Variants in ACSM1 observed in about 807,000 individuals in gnomAD.
ACSM1 encodes the protein acyl-CoA synthetase medium chain family member 1, also known as acyl-coenzyme A synthetase ACSM1, mitochondrial.
A neutral mutation model predicts 75.8 loss-of-function variants in ACSM1; 79 were observed. That is an observed-to-expected ratio of 1.04 (90% CI 0.87 to 1.26). The LOEUF (loss-of-function observed/expected upper bound fraction) is 1.26, where lower values mean the gene tolerates loss of function less well. Ranked by LOEUF, ACSM1 falls within the 50% of genes most tolerant of loss-of-function variation. The pLI, the probability that ACSM1 is intolerant of heterozygous loss-of-function variation, is 0.00. For missense variants in ACSM1, 676 were observed against 720.1 expected (o/e 0.94, Z 0.70); for synonymous variants, 279 against 265.8 (o/e 1.05, Z -0.48).
chr16:20,669,520 A>G (rs1162715473), intron 6 of ACSM1, among the ~76,000 whole-genome samples: 1 of 151,436 alleles, frequency 6.6e-6, no homozygotes, highest in African/African-American at 2.4e-5. Context: ...AGGGTCCAGG[A>G]TCTGGGAGAC....
At position 20,690,998 on chromosome 16, in the gene ACSM1, T is replaced by A; in HGVS notation, c.191A>T (p.Lys64Met). Reference protein sequence around the residue: ...YVLDYWAQKEKEGKRGPNPAF... With the variant: ...YVLDYWAQKEMEGKRGPNPAF... Reference sequence around the variant, plus strand: ...TCGCCATCACGGCAGATCTCTTACCTTCTCCTTTTGAGCCCAGTAGTCCAG... The same window carrying A: ...TCGCCATCACGGCAGATCTCTTACCATCTCCTTTTGAGCCCAGTAGTCCAG... The change falls in exon 2 of 14, where the codon AAG becomes ATG. Residue 64 changes from lysine to methionine, a missense_variant and splice_region_variant. Coordinates refer to ENST00000520010, the MANE Select transcript of ACSM1 (RefSeq NM_001318890.3). 1 of 1,608,582 alleles carries A rather than the reference T, an allele frequency of 6.2e-7. No homozygotes were observed. Among genetic ancestry groups the A allele is most frequent in the Non-Finnish European group, 8.5e-7 (1 of 1,177,980 alleles).
At position 20,662,289 on chromosome 16, in the gene ACSM1, G is replaced by A. The variant is rs575823482; in HGVS notation, c.913-416C>T. Among the ~76,000 whole-genome samples, 152 of 152,276 alleles carry A rather than the reference G, an allele frequency of 1.0e-3. 2 individuals carry two copies. The South Asian group carries it at 0.027, about 27-fold the overall frequency. ...TTAGCAAATAGATATGGTGTCTACA[G>A]GCAGGGAGAGTGGGAGTCTCTTGGA... On this transcript the variant is annotated intron_variant, in intron 6 of 13. Transcript: ENST00000520010.
At chr16:20,626,915 T>C (rs1329202133) in intron 11 of ACSM1, among the ~76,000 whole-genome samples, 1 of 152,072 alleles carries the variant, frequency 6.6e-6, no homozygotes, top group East Asian at 1.9e-4. Context: ...AGAGTCTCCC[T>C]TCTCAATTCC....
At chr16:20,655,848 A>C (rs1328332081) in intron 7 of ACSM1, among the ~76,000 whole-genome samples, 4 of 152,148 alleles carry the variant, frequency 2.6e-5, no homozygotes, top group Admixed American at 6.5e-5. Flanking sequence ...TTTTTAGTAG[A>C]CATGGAGTTT....
chr16:20,653,675 T>C (rs2018777197), intron 7 of ACSM1, among the ~76,000 whole-genome samples: 1 of 152,004 alleles, frequency 6.6e-6, no homozygotes, highest in Non-Finnish European at 1.5e-5. Context: ...GAGAATAAAA[T>C]ACCTAGGAAT....
Position 20,685,237 on chromosome 16 carries a change from C to T in ACSM1, c.359G>A (p.Arg120Gln), listed in dbSNP as rs201980910. ...AGCCACCAGCCACCACTCAGGAACT[C>T]GAGGCAGCATCAAGGCCAGATGGTC... ...QGDHLALMLP[R>Q]VPEWWLVAVG... is the part of the protein sequence containing the mutation. Residue 120 changes from arginine to glutamine, a missense_variant, in exon 3 of 14, where the codon CGA (arginine) becomes CAA (glutamine). Physicochemically the swap from Arg to Gln is conservative, Grantham distance 43. Transcript: ENST00000520010. The T allele has an allele frequency of 5.0e-6, 8 of 1,614,162 alleles. No individual in the cohort carries two copies. The highest frequency in any genetic ancestry group is 6.8e-6 in the Non-Finnish European group (8 of 1,180,026).
chr16:20,629,261 G>A (rs1023734443), intron 10 of ACSM1, among the ~76,000 whole-genome samples: 1 of 152,292 alleles, frequency 6.6e-6, no homozygotes, highest in East Asian at 1.9e-4. Context: ...TATGGACTGA[G>A]TTGAGAGGTA....
chr16:20,670,198 C>G (rs1387837602), intron 5 of ACSM1, among the ~76,000 whole-genome samples: 1 of 152,158 alleles, frequency 6.6e-6, no homozygotes, highest in African/African-American at 2.4e-5. Context: ...ATCATGCTAC[C>G]TCTCTTGAAC....
chr16:20,638,927 T>C (rs1198269787), intron 8 of ACSM1, among the ~76,000 whole-genome samples: 3 of 152,210 alleles, frequency 2.0e-5, no homozygotes, highest in Non-Finnish European at 2.9e-5. Context: ...TGTCCAAATA[T>C]GACCTGTGAG....
intron 10 of ACSM1, among the ~76,000 whole-genome samples, chr16:20,636,402 C>T (rs1364537915): frequency 1.3e-5 from 2 of 152,110 alleles, no homozygotes; most frequent in Non-Finnish European, 2.9e-5. Flanking sequence ...CCTGGAGGCT[C>T]AGCGAGGATA....
chr16:20,676,951 A>C (rs2020319140), intron 4 of ACSM1, among the ~76,000 whole-genome samples: 1 of 152,168 alleles, frequency 6.6e-6, no homozygotes, highest in East Asian at 1.9e-4. Flanking sequence ...GCAGGACATA[A>C]AGTGTCAGAA....
intron 7 of ACSM1, among the ~76,000 whole-genome samples, chr16:20,653,503 C>T (rs1164436016): frequency 6.6e-6 from 1 of 152,166 alleles, no homozygotes; most frequent in Non-Finnish European, 1.5e-5. Flanking sequence ...ATTTAAAAAA[C>T]CCCATCGTCT....
In ACSM1 at chr16:20,685,306, C is replaced by T. The variant is rs145701758; in HGVS notation, c.290G>A (p.Arg97His). 118 of 1,614,092 alleles carry T rather than the reference C, an allele frequency of 7.3e-5. No homozygotes were observed. The African/African-American group carries it at 1.2e-3, about 16-fold the overall frequency. The part of the protein sequence containing the change: ...SFREMGDLTR[R>H]VANVFTQTCG... The stretch of plus-strand genomic sequence containing the variant: ...GGTCTGTGTGAAGACGTTGGCTACA[C>T]GGCGGGTTAGGTCTCCCATCTCTCT... The change falls in exon 3 of 14, where the codon CGT becomes CAT. Residue 97 changes from arginine to histidine, a missense_variant. Physicochemically the swap from Arg to His is conservative, Grantham distance 29. Transcript: ENST00000520010.
rs2019885108 is a variant in ACSM1, at chr16:20,671,379, CAA to C, written c.752+150_752+151del. 6 of 800,662 alleles carry C rather than the reference CAA, an allele frequency of 7.5e-6. No homozygotes were observed. In the South Asian group the frequency reaches 1.9e-4, roughly 25 times the overall value. 49.6% of individuals were successfully genotyped at this position (800,662 alleles called of 1,614,324 possible). ...CCTCTCAGACCCTGAGAGGTCTGAACAAAAGAGAGTGGAAGGGAAAAGGAGTA... is the reference window on the plus strand; with the variant it reads ...CCTCTCAGACCCTGAGAGGTCTGAACAAGAGAGTGGAAGGGAAAAGGAGTA... On this transcript the variant is annotated intron_variant, in intron 5 of 13. Transcript: ENST00000520010.
intron 7 of ACSM1, among the ~76,000 whole-genome samples, chr16:20,640,837 T>G (rs1385019758): frequency 6.6e-6 from 1 of 152,138 alleles, no homozygotes; most frequent in East Asian, 1.9e-4. Context: ...TGGATTAAAT[T>G]TGGATATCAG....
intron 4 of ACSM1, among the ~76,000 whole-genome samples, chr16:20,676,917 G>A (rs1250819284): frequency 6.6e-6 from 1 of 152,018 alleles, no homozygotes; most frequent in Admixed American, 6.5e-5. Flanking sequence ...AGAAACCCAA[G>A]ACTCCCTGCA....
rs769415099 is a variant in ACSM1, at chr16:20,685,204, C to G, written c.392G>C (p.Cys131Ser). The G allele has an allele frequency of 6.2e-7, 1 of 1,614,184 alleles. No individual in the cohort carries two copies. The highest frequency in any genetic ancestry group is 1.3e-5 in the African/African-American group (1 of 75,054). The change falls in exon 3 of 14, where the codon TGC becomes TCC. Residue 131 changes from cysteine (C) to serine (S), a missense_variant. Transcript: ENST00000520010. ...CTTGCATCACTGACCTGTTCGCATG[C>G]AGCCCACAGCCACCAGCCACCACTC... Reference protein sequence around the residue: ...VPEWWLVAVGCMRTGIIFIPA... With the variant: ...VPEWWLVAVGSMRTGIIFIPA...
chr16:20,626,716 T>A (rs2016944532), intron 11 of ACSM1, among the ~76,000 whole-genome samples: 1 of 151,812 alleles, frequency 6.6e-6, no homozygotes, highest in Non-Finnish European at 1.5e-5. Context: ...ATATTTATAC[T>A]AATAAATAAT....
intron 10 of ACSM1, among the ~76,000 whole-genome samples, chr16:20,635,101 C>CAA (rs5816130): frequency 1.3e-5 from 2 of 151,030 alleles, no homozygotes; most frequent in East Asian, 1.9e-4. Flanking sequence ...CATGCTCAAT[C>CAA]AAAAAAAAAT....
Sources: gnomAD v4.1 joint callset for allele counts (sites outside exome capture counted in the v4.1 genomes callset) on GRCh38, gnomAD v4.1.1 for gene constraint, MANE v1.5 for transcripts, NCBI Gene and HGNC (gene_info 2026-07-23, HGNC 2026-07-21) for gene names.